The following GRIN2A variants were observed in gnomAD, a reference collection of about 807,000 sequenced individuals.
GRIN2A encodes the protein glutamate receptor ionotropic, NMDA 2A.
A neutral mutation model predicts 113.4 loss-of-function variants in GRIN2A; 22 were observed. The observed-to-expected ratio is 0.19, with a 90% CI of 0.14 to 0.28. The LOEUF is 0.28. Among genes scored for constraint, GRIN2A ranks in the 10% least tolerant of loss-of-function variants. GRIN2A has a pLI of 1.00. For missense variants in GRIN2A, 1,502 were observed against 1,887.0 expected (o/e 0.80, Z 3.78); for synonymous variants, 827 against 738.4 (o/e 1.12, Z -1.94).
chr16:10,044,911 G>A (rs890993891), intron 2 of GRIN2A, among the ~76,000 whole-genome samples: 1 of 152,138 alleles, frequency 6.6e-6, no homozygotes, highest in South Asian at 2.1e-4. Context: ...TGTGACAACT[G>A]TGATCTATTT....
At chr16:9,822,198 G>T in intron 10 of GRIN2A, 66 bp downstream of exon 10, 2 of 1,512,186 alleles carry the variant, frequency 1.3e-6, no homozygotes, top group South Asian at 1.1e-5. Context: ...GAGGCATGCC[G>T]AGAGTCAATT....
intron 2 of GRIN2A, among the ~76,000 whole-genome samples, chr16:9,996,092 G>C (rs1012560787): frequency 2.1e-5 from 3 of 141,856 alleles, no homozygotes; most frequent in Admixed American, 7.2e-5. Context: ...GAAGGAAACA[G>C]AGAAAGGAGG....
At chr16:9,988,924 C>G (rs964797806) in intron 2 of GRIN2A, among the ~76,000 whole-genome samples, 3 of 152,154 alleles carry the variant, frequency 2.0e-5, no homozygotes, top group Non-Finnish European at 2.9e-5. Context: ...ATTTTCCCTT[C>G]AAGCCAATAT....
intron 2 of GRIN2A, among the ~76,000 whole-genome samples, chr16:10,000,417 G>C (rs2046299773): frequency 6.6e-6 from 1 of 152,112 alleles, no homozygotes; most frequent in Non-Finnish European, 1.5e-5. Flanking sequence ...GCTATCAAGA[G>C]AAAGGGTAAA....
intron 2 of GRIN2A, among the ~76,000 whole-genome samples, chr16:9,954,799 T>G (rs928373608): frequency 6.6e-6 from 1 of 152,194 alleles, no homozygotes; most frequent in Non-Finnish European, 1.5e-5. Flanking sequence ...CAGACTTAAA[T>G]GAAATGCATC....
At chr16:9,912,707 A>C (rs1376217662) in intron 3 of GRIN2A, among the ~76,000 whole-genome samples, 2 of 152,210 alleles carry the variant, frequency 1.3e-5, no homozygotes, top group African/African-American at 2.4e-5. Context: ...TAAAAGGGCA[A>C]TATGCACAAA....
chr16:9,800,113 T>C (rs1903270717), intron 10 of GRIN2A, among the ~76,000 whole-genome samples: 1 of 152,062 alleles, frequency 6.6e-6, no homozygotes, highest in Admixed American at 6.6e-5. Context: ...TAGCTGGGAT[T>C]ACAGGTGCCT....
chr16:10,009,484 G>A (rs2046463922), intron 2 of GRIN2A, among the ~76,000 whole-genome samples: 1 of 152,050 alleles, frequency 6.6e-6, no homozygotes, highest in Non-Finnish European at 1.5e-5. Flanking sequence ...AACCATAAGT[G>A]CCCTTTTATT....
At chr16:10,125,040 G>C (rs1448251) in intron 2 of GRIN2A, among the ~76,000 whole-genome samples, 101,339 of 152,054 alleles carry the variant, frequency 0.67, 35,119 homozygotes, top group East Asian at 0.95. Flanking sequence ...AAAAAAGCAC[G>C]TAGTGCCCAA....
intron 3 of GRIN2A, among the ~76,000 whole-genome samples, chr16:9,914,579 G>A (rs1471418026): frequency 6.6e-6 from 1 of 152,258 alleles, no homozygotes. Context: ...TATCTTCAAC[G>A]CATACGCATT....
intron 10 of GRIN2A, among the ~76,000 whole-genome samples, chr16:9,818,626 A>G (rs1404739971): frequency 1.3e-5 from 2 of 152,214 alleles, no homozygotes; most frequent in Non-Finnish European, 2.9e-5. Context: ...TATTAATAAA[A>G]GTAAAAAAGG....
chr16:10,041,862 C>A (rs1196184267), intron 2 of GRIN2A, among the ~76,000 whole-genome samples: 1 of 152,140 alleles, frequency 6.6e-6, no homozygotes, highest in Non-Finnish European at 1.5e-5. Context: ...GGAAGTAAAC[C>A]ACCTCCTTCT....
intron 4 of GRIN2A, among the ~76,000 whole-genome samples, chr16:9,850,946 G>A (rs879068427): frequency 6.6e-6 from 1 of 152,040 alleles, no homozygotes; most frequent in East Asian, 1.9e-4. Flanking sequence ...GCTCCCACAC[G>A]CCATTGCTTG....
At chr16:9,905,672 A>G (rs1243745363) in intron 3 of GRIN2A, among the ~76,000 whole-genome samples, 1 of 152,166 alleles carries the variant, frequency 6.6e-6, no homozygotes, top group Non-Finnish European at 1.5e-5. Flanking sequence ...TGGATATACA[A>G]TAAGCCCGGA....
At chr16:9,799,155 C>CTACAATA (rs370039758) in intron 10 of GRIN2A, among the ~76,000 whole-genome samples, 1 of 152,216 alleles carries the variant, frequency 6.6e-6, no homozygotes, top group East Asian at 1.9e-4. Context: ...TAGGACATAC[C>CTACAATA]GTCTCTGTTG....
intron 2 of GRIN2A, among the ~76,000 whole-genome samples, chr16:9,966,189 G>A (rs549811827): frequency 7.2e-5 from 11 of 152,100 alleles, no homozygotes; most frequent in Non-Finnish European, 1.5e-4. Context: ...TGCCATGGGG[G>A]TTTGTTGTAC....
chr16:9,854,992 T>TTGTGTGTGTG (rs3831730), intron 4 of GRIN2A, among the ~76,000 whole-genome samples: 11 of 147,656 alleles, frequency 7.4e-5, no homozygotes, highest in African/African-American at 1.7e-4. Flanking sequence ...GCAAGCACGC[T>TTGTGTGTGTG]TGTGTGTGTG....
intron 11 of GRIN2A, among the ~76,000 whole-genome samples, chr16:9,796,673 A>G (rs1903008110): frequency 6.6e-6 from 1 of 152,190 alleles, no homozygotes; most frequent in Non-Finnish European, 1.5e-5. Context: ...GGTAGCTGCT[A>G]CCTTTTCAGC....
intron 2 of GRIN2A, among the ~76,000 whole-genome samples, chr16:10,092,187 C>A (rs58281311): frequency 6.6e-6 from 1 of 152,166 alleles, no homozygotes; most frequent in Admixed American, 6.5e-5. Context: ...GCCTCATTCT[C>A]TAAATAATTC....
Sources: allele counts gnomAD v4.1 joint callset (sites outside exome capture counted in the v4.1 genomes callset), GRCh38; gene constraint gnomAD v4.1.1; transcripts MANE v1.5; gene names NCBI Gene and HGNC (gene_info 2026-07-23, HGNC 2026-07-21).